Variants in ADAMTS2 observed in about 807,000 individuals in gnomAD.
ADAMTS2 encodes the protein ADAM metallopeptidase with thrombospondin type 1 motif 2, also known as A disintegrin and metalloproteinase with thrombospondin motifs 2.
In ADAMTS2, 50 loss-of-function variants were observed where a neutral mutation model predicts 123.0. The observed-to-expected ratio is 0.41, with a 90% CI of 0.32 to 0.51. The LOEUF (loss-of-function observed/expected upper bound fraction) is 0.51. Ranked by LOEUF, ADAMTS2 falls within the 20% of genes least tolerant of loss-of-function variation. The pLI is 0.35. For synonymous variants in ADAMTS2, 678 were observed against 695.4 expected (o/e 0.98, Z 0.39); for missense variants, 1,494 against 1,705.2 (o/e 0.88, Z 2.18).
In ADAMTS2 at chr5:179,189,750, G is replaced by A. The variant is rs79325655; in HGVS notation, c.892-8595C>T. On this transcript the variant is annotated intron_variant, in intron 4 of 21. Transcript: ENST00000251582. The surrounding 1 kb of genome is among the most constrained non-coding windows in gnomAD (Gnocchi z 4.2). ...AAAATATCTTCTTAAGGTAGGGGGG[G>A]ACAATATTACAAAGTATCTTCTTAA... 6.9e-6 allele frequency among the ~76,000 whole-genome samples: 1 copy of A among 144,824 alleles called. No homozygotes were observed. The highest frequency in any genetic ancestry group is 1.5e-5 in the Non-Finnish European group (1 of 67,082).
chr5:179,272,019 G>A lies in ADAMTS2; in HGVS notation c.688+892C>T, dbSNP rs1766549833. Among the ~76,000 whole-genome samples, 1 of 152,220 alleles carries A rather than the reference G, an allele frequency of 6.6e-6. No individual in the cohort carries two copies. The highest frequency in any genetic ancestry group is 2.4e-5 in the African/African-American group (1 of 41,464). Reference sequence around the variant, plus strand: ...CACCCAGGGGTCCTGACCAGAGGCTGAGGGCTGAGCTCGCAGCTTCCCACT... The same window carrying A: ...CACCCAGGGGTCCTGACCAGAGGCTAAGGGCTGAGCTCGCAGCTTCCCACT... On this transcript the variant is annotated intron_variant, in intron 3 of 21. Coordinates refer to ENST00000251582, the MANE Select transcript of ADAMTS2 (RefSeq NM_014244.5). The surrounding 1 kb of genome is among the most constrained non-coding windows in gnomAD (Gnocchi z 5.8).
At chr5:179,243,176 C>T (rs74784898) in intron 3 of ADAMTS2, among the ~76,000 whole-genome samples, 2,044 of 150,944 alleles carry the variant, frequency 0.014, 49 homozygotes, top group African/African-American at 0.047. Context: ...ATCAGGAGAA[C>T]AGATCGTTAT....
In ADAMTS2 at chr5:179,155,057, C is replaced by T; in HGVS notation, c.1133-138G>A. The T allele has an allele frequency of 3.9e-6, 3 of 777,538 alleles. No individual in the cohort carries two copies. The highest frequency in any genetic ancestry group is 3.0e-5 in the South Asian group (2 of 67,436). 48.2% of individuals were successfully genotyped at this position (777,538 alleles called of 1,614,324 possible). On this transcript the variant is annotated intron_variant, in intron 6 of 21. Transcript: ENST00000251582. The surrounding 1 kb of genome is among the most constrained non-coding windows in gnomAD (Gnocchi z 5.1). ...CACAGGCAACTGCCCCCGGCTGGCACAGCTCAGAAGACACCACAGCAGACA... is the reference window on the plus strand; with the variant it reads ...CACAGGCAACTGCCCCCGGCTGGCATAGCTCAGAAGACACCACAGCAGACA...
At chr5:179,282,906 A>T (rs914632479) in intron 2 of ADAMTS2, among the ~76,000 whole-genome samples, 1 of 152,134 alleles carries the variant, frequency 6.6e-6, no homozygotes, top group African/African-American at 2.4e-5. Context: ...AAACCATGTC[A>T]TCTTGAGATG....
chr5:179,140,578 G>A (rs137884339), intron 10 of ADAMTS2, among the ~76,000 whole-genome samples: 1 of 152,270 alleles, frequency 6.6e-6, no homozygotes, highest in African/African-American at 2.4e-5. Context: ...CATTCCTCTA[G>A]GGGGAGGAAG....
Position 179,132,637 on chromosome 5 carries a change from C to T in ADAMTS2, c.2209+140G>A, listed in dbSNP as rs1302864297. 8.8e-6 allele frequency: 11 copies of T among 1,255,816 alleles called. No individual in the cohort carries two copies. The highest frequency in any genetic ancestry group is 2.5e-5 in the South Asian group (2 of 80,464). 77.8% of individuals were successfully genotyped at this position (1,255,816 alleles called of 1,614,324 possible). On this transcript the variant is annotated intron_variant, in intron 14 of 21. Coordinates refer to ENST00000251582, the MANE Select transcript of ADAMTS2 (RefSeq NM_014244.5). The surrounding 1 kb of genome is among the most constrained non-coding windows in gnomAD (Gnocchi z 6.1). The stretch of plus-strand genomic sequence containing the variant: ...CCCCGACTTAGGATTCTCCCTCCCC[C>T]TCAGTGTCACAGACCTCTCCCCCTC...
intron 2 of ADAMTS2, among the ~76,000 whole-genome samples, chr5:179,297,860 G>A (rs1206557173): frequency 6.6e-6 from 1 of 152,028 alleles, no homozygotes; most frequent in African/African-American, 2.4e-5. Context: ...AACAGAACCG[G>A]GTCTCTTCAA....
chr5:179,205,721 G>A (rs1401047645), intron 4 of ADAMTS2, among the ~76,000 whole-genome samples: 4 of 151,942 alleles, frequency 2.6e-5, no homozygotes, highest in Non-Finnish European at 5.9e-5. Context: ...CAGTCACATA[G>A]TAGGGGCTCG....
intron 3 of ADAMTS2, among the ~76,000 whole-genome samples, chr5:179,211,372 G>A (rs1435946311): frequency 2.0e-5 from 3 of 152,184 alleles, no homozygotes; most frequent in African/African-American, 7.2e-5. Context: ...GCCCCCTGGG[G>A]GTGCTGATTG....
In ADAMTS2 at chr5:179,202,400, A is replaced by C. The variant is rs1239110754; in HGVS notation, c.891+5113T>G. On this transcript the variant is annotated intron_variant, in intron 4 of 21. Transcript: ENST00000251582. This position sits in a 1 kb window ranked among gnomAD's most constrained non-coding sequence, Gnocchi z 4.0. Reference sequence around the variant, plus strand: ...TCCAGTGCACCAGCCCCTGAGCTGTAGAAAGTGGCCTGCCTTCCCCTACCC... The same window carrying C: ...TCCAGTGCACCAGCCCCTGAGCTGTCGAAAGTGGCCTGCCTTCCCCTACCC... Among the ~76,000 whole-genome samples the C allele has an allele frequency of 6.6e-6, 1 of 152,180 alleles. No individual in the cohort carries two copies. The highest frequency in any genetic ancestry group is 1.5e-5 in the Non-Finnish European group (1 of 68,014).
intron 2 of ADAMTS2, among the ~76,000 whole-genome samples, chr5:179,290,927 G>A (rs1465442502): frequency 1.3e-5 from 2 of 152,222 alleles, no homozygotes; most frequent in Non-Finnish European, 2.9e-5. Context: ...GAGGGCCTAT[G>A]CCTGAGCCAC....
chr5:179,161,711 A>G (rs1470718746), intron 5 of ADAMTS2, among the ~76,000 whole-genome samples: 1 of 152,188 alleles, frequency 6.6e-6, no homozygotes, highest in African/African-American at 2.4e-5. Context: ...CAAAGAAATG[A>G]TAATGTTTGA....
Position 179,132,637 on chromosome 5 carries a change from C to CT in ADAMTS2, c.2209+139dup. ...CCCCGACTTAGGATTCTCCCTCCCC[C>CT]TCAGTGTCACAGACCTCTCCCCCTC... On this transcript the variant is annotated intron_variant, in intron 14 of 21. Coordinates refer to ENST00000251582, the MANE Select transcript of ADAMTS2 (RefSeq NM_014244.5). The surrounding 1 kb of genome is among the most constrained non-coding windows in gnomAD (Gnocchi z 6.1). 1 of 1,255,934 alleles carries CT rather than the reference C, an allele frequency of 8.0e-7. No individual in the cohort carries two copies. The highest frequency in any genetic ancestry group is 1.1e-6 in the Non-Finnish European group (1 of 876,264). 77.8% of individuals were successfully genotyped at this position (1,255,934 alleles called of 1,614,324 possible).
Position 179,207,495 on chromosome 5 carries a change from C to CCCCCCCCCCCCCCCCACCCA in ADAMTS2, c.891+17_891+18insTGGGTGGGGGGGGGGGGGGG. The CCCCCCCCCCCCCCCCACCCA allele has an allele frequency of 6.4e-7, 1 of 1,558,892 alleles. No individual in the cohort carries two copies. The highest frequency in any genetic ancestry group is 8.8e-7 in the Non-Finnish European group (1 of 1,135,404). ...GACCCTCCCCGCCCCACCCTGCCCC[C>CCCCCCCCCCCCCCCCACCCA]TCAGCCACCCCACTCACAATGTTCA... On this transcript the variant is annotated intron_variant, in intron 4 of 21. Transcript: ENST00000251582.
chr5:179,114,206 G>A lies in ADAMTS2; in HGVS notation c.3297C>T (p.Leu1099=). The change falls in exon 22 of 22, where the codon CTC becomes CTT. Residue 1099 remains leucine, a synonymous_variant. Coordinates refer to ENST00000251582, the MANE Select transcript of ADAMTS2 (RefSeq NM_014244.5). ...GCTCTATCCTGCCCTCCACGTTGGT[G>A]AGGTTGTTGTACAGGTTACAGGACT... ...CCKSCNLYNN[L]TNVEGRIEPP... 1 of 1,612,144 alleles carries A rather than the reference G, an allele frequency of 6.2e-7. No homozygotes were observed. Among genetic ancestry groups the A allele is most frequent in the Non-Finnish European group, 8.5e-7 (1 of 1,178,334 alleles).
intron 2 of ADAMTS2, among the ~76,000 whole-genome samples, chr5:179,286,129 G>A (rs767510897): frequency 4.7e-5 from 7 of 150,534 alleles, no homozygotes; most frequent in African/African-American, 1.5e-4. Context: ...CATGAGAATC[G>A]CTTGAGCCCA....
intron 6 of ADAMTS2, among the ~76,000 whole-genome samples, chr5:179,157,407 T>C (rs545026941): frequency 6.6e-6 from 1 of 152,268 alleles, no homozygotes; most frequent in Non-Finnish European, 1.5e-5. Flanking sequence ...CTGGCTGCGC[T>C]GTGTTTGAGG....
In ADAMTS2 at chr5:179,158,619, T is replaced by C. The variant is rs1045591509; in HGVS notation, c.1132+104A>G. 5.9e-6 allele frequency: 9 copies of C among 1,531,170 alleles called. No homozygotes were observed. The Admixed American group carries it at 1.2e-4, about 20-fold the overall frequency. The allele number at this position is 1,531,170 out of a possible 1,614,324, so 94.8% of individuals were successfully genotyped here. On this transcript the variant is annotated intron_variant, in intron 6 of 21. Transcript: ENST00000251582. This position sits in a 1 kb window ranked among gnomAD's most constrained non-coding sequence, Gnocchi z 5.0. ...AAGGTGGCCACGGCCTTCCCTGCCCTGACACTCTTCCCTGGGCTGGGCCAA... is the reference window on the plus strand; with the variant it reads ...AAGGTGGCCACGGCCTTCCCTGCCCCGACACTCTTCCCTGGGCTGGGCCAA...
At chr5:179,278,171 C>T (rs1442874033) in intron 2 of ADAMTS2, among the ~76,000 whole-genome samples, 7 of 108,074 alleles carry the variant, frequency 6.5e-5, no homozygotes, top group Non-Finnish European at 1.2e-4. Flanking sequence ...CTGACCCCCC[C>T]GAGACCAAAG....
Sources: gnomAD v4.1 joint callset for allele counts (sites outside exome capture counted in the v4.1 genomes callset) on GRCh38, gnomAD v4.1.1 for gene constraint, Gnocchi (gnomAD v3.1) non-coding constraint, MANE v1.5 for transcripts, NCBI Gene and HGNC (gene_info 2026-07-23, HGNC 2026-07-21) for gene names.